Variants in ABCA6 observed in about 807,000 individuals in gnomAD.
The protein encoded by ABCA6 is ATP-binding cassette sub-family A member 6.
A neutral mutation model predicts 191.2 loss-of-function variants in ABCA6; 164 were observed. That is an observed-to-expected ratio of 0.86 (90% CI 0.76 to 0.98). ABCA6 has a LOEUF of 0.98. Among genes scored for constraint, ABCA6 ranks in the 50% least tolerant of loss-of-function variants. The pLI, the probability that ABCA6 is intolerant of heterozygous loss-of-function variation, is 0.00. For synonymous variants in ABCA6, 636 were observed against 647.7 expected (o/e 0.98, Z 0.27); for missense variants, 1,958 against 1,894.1 (o/e 1.03, Z -0.63).
chr17:69,120,642 T>C (rs964104822), intron 10 of ABCA6, among the ~76,000 whole-genome samples: 2 of 152,112 alleles, frequency 1.3e-5, no homozygotes, highest in Non-Finnish European at 2.9e-5. Context: ...CATTTCTTTG[T>C]AAAATGGAAT....
At chr17:69,136,011 C>A (rs757950825) in intron 4 of ABCA6, 81 bp downstream of exon 4, 1 of 1,302,226 alleles carries the variant, frequency 7.7e-7, no homozygotes, top group Non-Finnish European at 1.1e-6. Flanking sequence ...TCATTGAAAG[C>A]ATCTCTGTTG....
chr17:69,123,935 A>T (rs2073699530), intron 9 of ABCA6, among the ~76,000 whole-genome samples: 1 of 152,084 alleles, frequency 6.6e-6, no homozygotes. Context: ...AATGTGATCT[A>T]AAAGGTATTT....
At chr17:69,118,497 G>A (rs2073578281) in intron 10 of ABCA6, among the ~76,000 whole-genome samples, 1 of 151,922 alleles carries the variant, frequency 6.6e-6, no homozygotes, top group South Asian at 2.1e-4. Context: ...TTCACTTCCT[G>A]ACCTTTAATT....
chr17:69,104,528 T>C (rs1224413345), intron 20 of ABCA6: 1 of 150,374 alleles, frequency 6.7e-6, no homozygotes, highest in African/African-American at 2.4e-5. Flanking sequence ...GAAAATCAAA[T>C]GAATGAGGAA....
intron 11 of ABCA6, among the ~76,000 whole-genome samples, chr17:69,116,866 TC>T (rs2073547242): frequency 6.6e-6 from 1 of 152,152 alleles, no homozygotes; most frequent in African/African-American, 2.4e-5. Context: ...TGTGTTGATG[TC>T]CAATGCTTTT....
At position 69,128,808 on chromosome 17, in the gene ABCA6, C is replaced by A. The variant is rs760255159; in HGVS notation, c.934-4G>T. 3 of 1,579,038 alleles carry A rather than the reference C, an allele frequency of 1.9e-6. No homozygotes were observed. In the South Asian group the frequency reaches 3.6e-5, roughly 19 times the overall value. ...TCATCAGGAACACCAAAGCTACCTG[C>A]AAGAGAGAGAAGACATTCAGCTGTT... On this transcript the variant is annotated splice_region_variant and splice_polypyrimidine_tract_variant and intron_variant, in intron 7 of 38. Transcript: ENST00000284425.
intron 20 of ABCA6, 27 bp from the exon 21 acceptor site, chr17:69,102,995 C>A: frequency 4.4e-6 from 6 of 1,358,670 alleles, no homozygotes; most frequent in Middle Eastern, 2.2e-4. Flanking sequence ...AAGAGAAGGC[C>A]ATAGAAAAGT....
Position 69,136,259 on chromosome 17 carries a change from T to A in ABCA6, c.302-9A>T. 1 of 1,511,528 alleles carries A rather than the reference T, an allele frequency of 6.6e-7. No homozygotes were observed. The highest frequency in any genetic ancestry group is 8.8e-7 in the Non-Finnish European group (1 of 1,130,524). 93.6% of individuals were successfully genotyped at this position (1,511,528 alleles called of 1,614,324 possible). ...CCCAATGACACTTGTTCCTGTGAAT[T>A]ACAAGGTAAAAATAGACATAGAAAA... On this transcript the variant is annotated splice_polypyrimidine_tract_variant and intron_variant, in intron 3 of 38. Transcript: ENST00000284425.
chr17:69,124,867 G>T, intron 9 of ABCA6, 21 bp downstream of exon 9: 1 of 1,481,024 alleles, frequency 6.8e-7, no homozygotes, highest in Non-Finnish European at 9.1e-7. Flanking sequence ...AGAGGACAGA[G>T]AAAAACTCAC....
rs149938879 is a variant in ABCA6 at position 69,113,272 on chromosome 17, T to A, written c.1991A>T (p.His664Leu). 23 of 1,605,610 alleles carry A rather than the reference T, an allele frequency of 1.4e-5. No homozygotes were observed. Among genetic ancestry groups the A allele is most frequent in the Non-Finnish European group, 1.9e-5 (22 of 1,177,564 alleles). ...WSLLRERRAD[H>L]VILFSTQSMD... Reference sequence around the variant, plus strand: ...GGACTGGGTACTGAAAAGGATCACATGATCTGCTCTACGCTCTCTCAGGAG... The same window carrying A: ...GGACTGGGTACTGAAAAGGATCACAAGATCTGCTCTACGCTCTCTCAGGAG... The change falls in exon 15 of 39, where the codon CAT becomes CTT. Residue 664 changes from histidine (H) to leucine (L), a missense_variant. Transcript: ENST00000284425.
intron 6 of ABCA6, 63 bp from the exon 7 acceptor site, chr17:69,129,814 C>T (rs1420633792): frequency 8.0e-6 from 10 of 1,250,800 alleles, no homozygotes; most frequent in Middle Eastern, 2.6e-4. Flanking sequence ...TTAATATATA[C>T]AAAAGCATCT....
At chr17:69,093,226 T>A (rs186173553) in intron 25 of ABCA6, among the ~76,000 whole-genome samples, 2 of 152,134 alleles carry the variant, frequency 1.3e-5, no homozygotes, top group Non-Finnish European at 2.9e-5. Context: ...TAAGTAATAA[T>A]AGTGAAAATT....
Position 69,124,973 on chromosome 17 carries a change from A to G in ABCA6, c.1182T>C (p.Tyr394=). 2 of 1,557,988 alleles carry G rather than the reference A, an allele frequency of 1.3e-6. No homozygotes were observed. The highest frequency in any genetic ancestry group is 1.7e-6 in the Non-Finnish European group (2 of 1,147,896). The change falls in exon 9 of 39, where the codon TAT becomes TAC. Residue 394 remains tyrosine (Y), a synonymous_variant. Coordinates refer to ENST00000284425, the MANE Select transcript of ABCA6 (RefSeq NM_080284.3). ...ACATAGAAAAAGTTGCTATCATTGT[A>G]TATGAGTCTCCTGAAGGGTCAGGAA... ...VIFPDPSGDS[Y]TMIATFSMLL...
intron 11 of ABCA6, chr17:69,115,933 A>T (rs1439275983): frequency 6.6e-6 from 1 of 151,782 alleles, no homozygotes; most frequent in Non-Finnish European, 1.5e-5. Flanking sequence ...ATCACAGCTC[A>T]CTGCAGCCTC....
Position 69,083,271 on chromosome 17 carries a change from G to C in ABCA6, c.4416C>G (p.Asn1472Lys). ...TERGVLLTTH[N>K]LAEAEALCDR... ...CACACAAGGCTTCCGCCTCAGCCAG[G>C]TTATGGGTGGTCAGGAGGACACCTC... The change falls in exon 35 of 39, where the codon AAC becomes AAG. Residue 1472 changes from asparagine to lysine, a missense_variant. By Grantham distance (94) the Asn-to-Lys change is moderately conservative. Transcript: ENST00000284425. 2 of 1,611,340 alleles carry C rather than the reference G, an allele frequency of 1.2e-6. No individual in the cohort carries two copies. Among genetic ancestry groups the C allele is most frequent in the Non-Finnish European group, 1.7e-6 (2 of 1,179,306 alleles).
At chr17:69,114,965 G>T in intron 12 of ABCA6, 28 bp from the exon 13 acceptor site, 1 of 1,524,274 alleles carries the variant, frequency 6.6e-7, no homozygotes, top group Non-Finnish European at 8.9e-7. Flanking sequence ...AAATAAAATT[G>T]GCAAGATAAT....
Position 69,124,969 on chromosome 17 carries a change from T to C in ABCA6, c.1186A>G (p.Met396Val), listed in dbSNP as rs145696780. 19 of 1,568,474 alleles carry C rather than the reference T, an allele frequency of 1.2e-5. No homozygotes were observed. Among genetic ancestry groups the C allele is most frequent in the Non-Finnish European group, 1.6e-5 (19 of 1,154,056 alleles). The change falls in exon 9 of 39, where the codon ATG (methionine) becomes GTG (valine). Residue 396 changes from methionine (M) to valine (V), a missense_variant. By Grantham distance (21) the Met-to-Val change is conservative. Transcript: ENST00000284425. ...AGCAACATAGAAAAAGTTGCTATCA[T>C]TGTATATGAGTCTCCTGAAGGGTCA... Reference protein sequence around the residue: ...FPDPSGDSYTMIATFSMLLLD... With the variant: ...FPDPSGDSYTVIATFSMLLLD...
At chr17:69,098,277 G>C (rs1191418256) in intron 22 of ABCA6, 2 of 399,890 alleles carry the variant, frequency 5.0e-6, no homozygotes, top group Admixed American at 4.3e-5. Flanking sequence ...CTCTCGAAGA[G>C]ATACCCTCAC....
At chr17:69,093,775 C>T (rs898984030) in intron 25 of ABCA6, among the ~76,000 whole-genome samples, 2 of 152,022 alleles carry the variant, frequency 1.3e-5, no homozygotes, top group Non-Finnish European at 2.9e-5. Flanking sequence ...TGACATTCCA[C>T]CATTCTAGAA....
Sources: gnomAD v4.1 joint callset for allele counts (sites outside exome capture counted in the v4.1 genomes callset) on GRCh38, gnomAD v4.1.1 for gene constraint, MANE v1.5 for transcripts, NCBI Gene and HGNC (gene_info 2026-07-23, HGNC 2026-07-21) for gene names.